Variants in TRPC1 observed in about 807,000 individuals in gnomAD.
The protein encoded by TRPC1 is transient receptor potential cation channel subfamily C member 1.
In TRPC1, 42 loss-of-function variants were observed where a neutral mutation model predicts 88.2. The ratio of observed to expected loss-of-function variants is 0.48; its 90% confidence interval spans 0.37 to 0.62. The LOEUF is 0.62. TRPC1 is among the 20% of genes least tolerant of loss of function. TRPC1 has a pLI of 0.00. For missense variants in TRPC1, 699 were observed against 957.3 expected (o/e 0.73, Z 3.56); for synonymous variants, 288 against 331.8 (o/e 0.87, Z 1.43).
intron 9 of TRPC1, among the ~76,000 whole-genome samples, chr3:142,796,915 T>C (rs138313148): frequency 6.6e-6 from 1 of 152,088 alleles, no homozygotes; most frequent in Non-Finnish European, 1.5e-5. Context: ...CAAGGGACTG[T>C]CAAATCCAAA....
chr3:142,802,426 A>T lies in TRPC1; in HGVS notation c.1757+82A>T, dbSNP rs1936651378. ...TTCTATATGAATTAGTATCTATAGA[A>T]ATGGAACTTCACATTTTAAGAAATT... is the stretch of plus-strand genomic sequence containing the variant. On this transcript the variant is annotated intron_variant, in intron 10 of 12. Coordinates refer to ENST00000476941, the MANE Select transcript of TRPC1 (RefSeq NM_001251845.2). 3 of 1,006,316 alleles carry T rather than the reference A, an allele frequency of 3.0e-6. No homozygotes were observed. The South Asian group carries it at 1.2e-4, about 41-fold the overall frequency. The allele number at this position is 1,006,316 out of a possible 1,614,324, so 62.3% of individuals were successfully genotyped here.
intron 4 of TRPC1, among the ~76,000 whole-genome samples, chr3:142,765,437 G>C (rs1228191757): frequency 2.6e-5 from 4 of 152,166 alleles, no homozygotes; most frequent in African/African-American, 9.6e-5. Flanking sequence ...CAAGGCTACT[G>C]TAACCAAAAC....
At chr3:142,779,249 C>A (rs1264831229) in intron 5 of TRPC1, among the ~76,000 whole-genome samples, 1 of 152,102 alleles carries the variant, frequency 6.6e-6, no homozygotes, top group Non-Finnish European at 1.5e-5. Context: ...CTAATAGCAG[C>A]ATCTAATTAG....
chr3:142,745,214 A>G (rs746029102), intron 3 of TRPC1, among the ~76,000 whole-genome samples: 77 of 152,302 alleles, frequency 5.1e-4, no homozygotes, highest in Admixed American at 1.1e-3. Context: ...CTTATCTTGC[A>G]GTTATTATTA....
At chr3:142,747,607 G>C (rs1463827658) in intron 3 of TRPC1, among the ~76,000 whole-genome samples, 1 of 152,068 alleles carries the variant, frequency 6.6e-6, no homozygotes, top group Non-Finnish European at 1.5e-5. Flanking sequence ...TGGTTTTGCA[G>C]GCTACTGTGG....
At chr3:142,786,252 G>A (rs1936131285) in intron 7 of TRPC1, among the ~76,000 whole-genome samples, 1 of 152,156 alleles carries the variant, frequency 6.6e-6, no homozygotes, top group African/African-American at 2.4e-5. Flanking sequence ...AGTACTGAGT[G>A]TATTTATCTT....
At chr3:142,756,386 G>C (rs371943082) in intron 4 of TRPC1, among the ~76,000 whole-genome samples, 9 of 147,324 alleles carry the variant, frequency 6.1e-5, no homozygotes, top group African/African-American at 2.3e-4. Flanking sequence ...TTGAGACAGA[G>C]TCTCGCTCTG....
intron 4 of TRPC1, among the ~76,000 whole-genome samples, chr3:142,761,720 G>C (rs888743548): frequency 3.3e-5 from 5 of 152,046 alleles, no homozygotes; most frequent in African/African-American, 1.2e-4. Context: ...TCTTTGATGG[G>C]AAACTTTTTA....
intron 2 of TRPC1, among the ~76,000 whole-genome samples, chr3:142,742,338 A>C (rs1350383069): frequency 1.3e-5 from 2 of 152,146 alleles, no homozygotes; most frequent in Admixed American, 6.6e-5. Flanking sequence ...ATGAACCCTG[A>C]AAGTTTTAAG....
chr3:142,761,168 T>C (rs1417256177), intron 4 of TRPC1, among the ~76,000 whole-genome samples: 1 of 152,212 alleles, frequency 6.6e-6, no homozygotes, highest in Admixed American at 6.5e-5. Context: ...CTTGTTCCAG[T>C]CTTTAGAGGA....
At chr3:142,731,957 G>A (rs4539980) in intron 1 of TRPC1, among the ~76,000 whole-genome samples, 70,225 of 152,060 alleles carry the variant, frequency 0.46, 17,151 homozygotes, top group African/African-American at 0.63. Flanking sequence ...CATATGGTCT[G>A]TGGCTGCTTT....
At chr3:142,745,307 T>C (rs1934502993) in intron 3 of TRPC1, among the ~76,000 whole-genome samples, 1 of 152,172 alleles carries the variant, frequency 6.6e-6, no homozygotes, top group East Asian at 1.9e-4. Flanking sequence ...TGTGCTTGAG[T>C]ACTGGAACCA....
intron 9 of TRPC1, among the ~76,000 whole-genome samples, 186 bp downstream of exon 9, chr3:142,793,153 C>T (rs1368806488): frequency 6.6e-6 from 1 of 152,002 alleles, no homozygotes; most frequent in African/African-American, 2.4e-5. Context: ...TAATCCTTTG[C>T]TTTCAGGTAT....
Position 142,724,787 on chromosome 3 carries a change from C to G in TRPC1, c.172+56C>G. 6.9e-7 allele frequency: 1 copy of G among 1,454,142 alleles called. No homozygotes were observed. The highest frequency in any genetic ancestry group is 9.1e-7 in the Non-Finnish European group (1 of 1,094,854). 90.1% of individuals were successfully genotyped at this position (1,454,142 alleles called of 1,614,324 possible). ...GCCCCTGTCCTCCAGACCTTTAGTC[C>G]TCTCCCCCGCCTCAACTTATATCGG... On this transcript the variant is annotated intron_variant, in intron 1 of 12. Transcript: ENST00000476941. This position sits in a 1 kb window ranked among gnomAD's most constrained non-coding sequence, Gnocchi z 5.6.
At chr3:142,745,762 A>AT (rs908904674) in intron 3 of TRPC1, among the ~76,000 whole-genome samples, 34 of 152,020 alleles carry the variant, frequency 2.2e-4, no homozygotes, top group South Asian at 4.2e-4. Flanking sequence ...ATTTTATTTT[A>AT]TTTTTTTGAG....
intron 4 of TRPC1, among the ~76,000 whole-genome samples, chr3:142,763,983 T>TATATATATATATATATATATATACACAC (rs1441314374): frequency 3.0e-4 from 22 of 74,316 alleles, no homozygotes; most frequent in South Asian, 6.9e-4. Context: ...TATATATATA[T>TATATATATATATATATATATATACACAC]ACACATACAT....
intron 4 of TRPC1, among the ~76,000 whole-genome samples, chr3:142,765,822 G>A (rs60319320): frequency 0.31 from 46,921 of 151,934 alleles, 9,161 homozygotes; most frequent in African/African-American, 0.57. Flanking sequence ...TGCAAAGTAT[G>A]CATCTGACAA....
chr3:142,788,470 T>A (rs1936198691), intron 7 of TRPC1, among the ~76,000 whole-genome samples: 1 of 152,116 alleles, frequency 6.6e-6, no homozygotes, highest in South Asian at 2.1e-4. Context: ...ATTTGTGTGT[T>A]GAGGGGTAGA....
In TRPC1 at chr3:142,755,014, T is replaced by C. The variant is rs1324552938; in HGVS notation, c.632+6554T>C. 2.0e-5 allele frequency among the ~76,000 whole-genome samples: 3 copies of C among 152,204 alleles called. 1 individual carries two copies. Among genetic ancestry groups the C allele is most frequent in the South Asian group, 4.1e-4 (2 of 4,832 alleles). On this transcript the variant is annotated intron_variant, in intron 4 of 12. Coordinates refer to ENST00000476941, the MANE Select transcript of TRPC1 (RefSeq NM_001251845.2). ...TTGCCAGAATCTTTAAAGGGAAGTA[T>C]TGTTCAATCCCAATTTTCAATCCCA...
Sources: gnomAD v4.1 joint callset for allele counts (sites outside exome capture counted in the v4.1 genomes callset) on GRCh38, gnomAD v4.1.1 for gene constraint, Gnocchi (gnomAD v3.1) non-coding constraint, MANE v1.5 for transcripts, NCBI Gene and HGNC (gene_info 2026-07-23, HGNC 2026-07-21) for gene names.